Variants in FYB1 observed in about 807,000 individuals in gnomAD.
The protein encoded by FYB1 is FYN binding protein 1.
FYB1 carries 41 observed loss-of-function variants against 94.1 expected under a neutral mutation model. The ratio of observed to expected loss-of-function variants is 0.44; its 90% CI spans 0.34 to 0.57. The LOEUF is 0.57. FYB1 is among the 20% of genes least tolerant of loss of function. FYB1 has a pLI of 0.02. For synonymous variants in FYB1, 367 were observed against 353.2 expected, an observed-to-expected ratio of 1.04 and a Z score of -0.44; for missense variants, 1,050 against 976.8, an observed-to-expected ratio of 1.07 and a Z score of -1.00.
intron 1 of FYB1, among the ~76,000 whole-genome samples, chr5:39,251,031 A>G (rs1252653479): frequency 1.3e-5 from 2 of 152,312 alleles, no homozygotes; most frequent in Non-Finnish European, 2.9e-5. Context: ...AGGATTTCAA[A>G]TGATGATTTA....
intron 1 of FYB1, among the ~76,000 whole-genome samples, chr5:39,207,488 GA>G (rs1178432539): frequency 6.6e-6 from 1 of 152,098 alleles, no homozygotes; most frequent in African/African-American, 2.4e-5. Flanking sequence ...CCAGTTTTCA[GA>G]AAATCTTTTT....
chr5:39,237,445 G>T (rs1253926110), intron 1 of FYB1, among the ~76,000 whole-genome samples: 1 of 151,984 alleles, frequency 6.6e-6, no homozygotes, highest in East Asian at 1.9e-4. Context: ...GGCCTTGGGG[G>T]CTGTGGGGAA....
chr5:39,201,693 A>G, intron 2 of FYB1, 133 bp downstream of exon 2: 1 of 803,610 alleles, frequency 1.2e-6, no homozygotes, highest in Non-Finnish European at 1.9e-6. Flanking sequence ...AAACAAGACA[A>G]AGAAAATTCA....
chr5:39,174,409 G>T (rs571985132), intron 2 of FYB1, among the ~76,000 whole-genome samples: 234 of 152,272 alleles, frequency 1.5e-3, no homozygotes, highest in Non-Finnish European at 2.5e-3. Context: ...TGAATTTACT[G>T]TTCCAGTGCT....
intron 1 of FYB1, among the ~76,000 whole-genome samples, chr5:39,261,004 C>T (rs1752184986): frequency 3.3e-5 from 5 of 152,104 alleles, no homozygotes; most frequent in African/African-American, 2.4e-5. Flanking sequence ...GTATTAAGAT[C>T]CTGGTTGTGT....
intron 2 of FYB1, among the ~76,000 whole-genome samples, chr5:39,162,626 A>G (rs1733435493): frequency 6.6e-6 from 1 of 152,088 alleles, no homozygotes; most frequent in Admixed American, 6.6e-5. Flanking sequence ...CGGAGGTTGC[A>G]GTGAGCCGAG....
intron 6 of FYB1, 91 bp downstream of exon 6, chr5:39,138,566 T>A (rs1316315382): frequency 1.5e-6 from 1 of 686,858 alleles, no homozygotes; most frequent in Non-Finnish European, 2.5e-6. Flanking sequence ...CAAGCTTCCC[T>A]CCTAGTGTTG....
At chr5:39,211,609 T>G (rs923112766) in intron 1 of FYB1, among the ~76,000 whole-genome samples, 1 of 152,182 alleles carries the variant, frequency 6.6e-6, no homozygotes. Context: ...GCGCCCGGCC[T>G]ATTTCTTATG....
At chr5:39,166,605 C>G (rs551629376) in intron 2 of FYB1, among the ~76,000 whole-genome samples, 1 of 151,934 alleles carries the variant, frequency 6.6e-6, no homozygotes, top group African/African-American at 2.4e-5. Flanking sequence ...ATGTGGTATA[C>G]GTGGAATACT....
intron 2 of FYB1, among the ~76,000 whole-genome samples, chr5:39,156,014 T>C (rs1400701189): frequency 1.3e-5 from 2 of 152,186 alleles, no homozygotes; most frequent in Non-Finnish European, 2.9e-5. Context: ...GAGTAGATGT[T>C]AATAAACCGT....
chr5:39,126,964 A>G (rs1172711036), intron 11 of FYB1, among the ~76,000 whole-genome samples: 8 of 149,664 alleles, frequency 5.3e-5, no homozygotes, highest in Admixed American at 6.7e-5. Flanking sequence ...AGGCTGAGGC[A>G]GGAGAATCAT....
intron 1 of FYB1, among the ~76,000 whole-genome samples, chr5:39,236,260 T>A (rs776753356): frequency 6.6e-6 from 1 of 152,106 alleles, no homozygotes; most frequent in Non-Finnish European, 1.5e-5. Flanking sequence ...AGTAAATCCC[T>A]AATTTCAAGA....
intron 1 of FYB1, among the ~76,000 whole-genome samples, chr5:39,231,147 C>CAAAAAAAAAAAAAAA (rs747268330): frequency 5.9e-4 from 24 of 40,924 alleles, no homozygotes; most frequent in African/African-American, 1.6e-3. Flanking sequence ...CAGCTCAGAG[C>CAAAAAAAAAAAAAAA]AAAAAAAAAA....
intron 1 of FYB1, among the ~76,000 whole-genome samples, chr5:39,273,552 T>C (rs1292456613): frequency 6.6e-6 from 1 of 152,152 alleles, no homozygotes; most frequent in Non-Finnish European, 1.5e-5. Flanking sequence ...CATCTGAAAA[T>C]GATAAACCTA....
In FYB1 at chr5:39,127,741, C is replaced by G; in HGVS notation, c.1907G>C (p.Gly636Ala). 1 of 1,597,652 alleles carries G rather than the reference C, an allele frequency of 6.3e-7. No homozygotes were observed. Among genetic ancestry groups the G allele is most frequent in the Non-Finnish European group, 8.5e-7 (1 of 1,172,304 alleles). The change falls in exon 11 of 19, where the codon GGC becomes GCC. Residue 636 changes from glycine (G) to alanine (A), a missense_variant and splice_region_variant. Transcript: ENST00000512982. ...DGIEEEDADDGSTLQVQEKSN... is the reference protein window; with the variant it reads ...DGIEEEDADDASTLQVQEKSN... ...AAAGCAGTTCACTGATTATTCTTAC[C>G]CATCATCAGCATCTTCCTCTTCAAT...
intron 2 of FYB1, chr5:39,169,206 G>C: frequency 1.1e-6 from 1 of 951,428 alleles, no homozygotes; most frequent in Non-Finnish European, 1.7e-6. Context: ...TCTGGGCTCA[G>C]TTCATTTGCC....
At chr5:39,263,232 C>T (rs1253053168) in intron 1 of FYB1, among the ~76,000 whole-genome samples, 1 of 152,194 alleles carries the variant, frequency 6.6e-6, no homozygotes, top group Non-Finnish European at 1.5e-5. Context: ...AAGGGTGCCA[C>T]AAATTTAGTG....
intron 1 of FYB1, among the ~76,000 whole-genome samples, chr5:39,236,159 C>G (rs1000488489): frequency 6.6e-6 from 1 of 151,590 alleles, no homozygotes; most frequent in African/African-American, 2.4e-5. Flanking sequence ...TATTAAGGCT[C>G]AAACGTGGGT....
chr5:39,138,712 A>G, intron 5 of FYB1, 21 bp from the exon 6 acceptor site: 1 of 1,380,396 alleles, frequency 7.2e-7, no homozygotes, highest in Admixed American at 1.8e-5. Flanking sequence ...AAACATTGAT[A>G]ATGATTAATT....
Sources: gnomAD v4.1 joint callset for allele counts (sites outside exome capture counted in the v4.1 genomes callset) on GRCh38, gnomAD v4.1.1 for gene constraint, MANE v1.5 for transcripts, NCBI Gene and HGNC (gene_info 2026-07-23, HGNC 2026-07-21) for gene names.